Variants in ZNF143 observed in about 807,000 individuals in gnomAD.
ZNF143 encodes zinc finger protein 143.
A neutral mutation model predicts 74.1 loss-of-function variants in ZNF143; 49 were observed. The observed-to-expected ratio is 0.66, with a 90% CI of 0.53 to 0.84. The LOEUF (loss-of-function observed/expected upper bound fraction) is 0.84, where lower values mean the gene tolerates loss of function less well. Ranked by LOEUF, ZNF143 falls within the 40% of genes least tolerant of loss-of-function variation. ZNF143 has a pLI of 0.00. For synonymous variants in ZNF143, 304 were observed against 282.8 expected, an observed-to-expected ratio of 1.07 and a Z score of -0.75; for missense variants, 637 against 793.4, an observed-to-expected ratio of 0.80 and a Z score of 2.37.
At chr11:9,519,760 T>C (rs1848845884) in intron 14 of ZNF143, among the ~76,000 whole-genome samples, 1 of 152,212 alleles carries the variant, frequency 6.6e-6, no homozygotes, top group Admixed American at 6.5e-5. Flanking sequence ...TGCTGGGTCA[T>C]AGAATAGAGG....
At chr11:9,508,499 G>T in intron 11 of ZNF143, 120 bp from the exon 12 acceptor site, 1 of 814,150 alleles carries the variant, frequency 1.2e-6, no homozygotes, top group Non-Finnish European at 1.9e-6. Flanking sequence ...CTCATGGTGG[G>T]ATGAGGAGGG....
At chr11:9,488,153 G>A (rs1847633730) in intron 7 of ZNF143, among the ~76,000 whole-genome samples, 1 of 152,178 alleles carries the variant, frequency 6.6e-6, no homozygotes, top group South Asian at 2.1e-4. Flanking sequence ...GGGAGGCTGA[G>A]ACACAAGAAT....
chr11:9,485,300 G>A (rs1369972755), intron 7 of ZNF143, among the ~76,000 whole-genome samples: 3 of 146,922 alleles, frequency 2.0e-5, no homozygotes, highest in Non-Finnish European at 4.5e-5. Flanking sequence ...CTGCCTGATA[G>A]TAATTATTGT....
At chr11:9,519,991 A>T (rs925766517) in intron 14 of ZNF143, among the ~76,000 whole-genome samples, 1 of 149,948 alleles carries the variant, frequency 6.7e-6, no homozygotes, top group East Asian at 2.0e-4. Context: ...TTTAAAACCA[A>T]CCTGGGCAAT....
intron 1 of ZNF143, among the ~76,000 whole-genome samples, chr11:9,470,764 C>CTT (rs1856519393): frequency 6.6e-6 from 1 of 152,058 alleles, no homozygotes; most frequent in Admixed American, 6.6e-5. Flanking sequence ...TAACTTTTCC[C>CTT]TTCAAAGGAC....
chr11:9,493,819 A>G (rs965268148), intron 7 of ZNF143, among the ~76,000 whole-genome samples: 14 of 152,202 alleles, frequency 9.2e-5, no homozygotes, highest in African/African-American at 3.1e-4. Context: ...TTTAAAAATC[A>G]GCATTTGGAT....
At position 9,499,428 on chromosome 11, in the gene ZNF143, A is replaced by C. The variant is rs75709815; in HGVS notation, c.967+1628A>C. ...TAGGCTGACATAATGAATAAAACTT[A>C]CTAGAGATAGGATCAAAGATTCCTG... On this transcript the variant is annotated intron_variant, in intron 10 of 15. Coordinates refer to ENST00000396602, the MANE Select transcript of ZNF143 (RefSeq NM_003442.6). Among the ~76,000 whole-genome samples the C allele has an allele frequency of 4.7e-3, 715 of 152,308 alleles. 6 individuals carry two copies. Among genetic ancestry groups the C allele is most frequent in the African/African-American group, 0.017 (686 of 41,532 alleles).
chr11:9,467,773 G>A (rs564425693), intron 1 of ZNF143, among the ~76,000 whole-genome samples: 49 of 151,508 alleles, frequency 3.2e-4, no homozygotes, highest in Admixed American at 9.2e-4. Context: ...GAACTTGGGA[G>A]GTGGAAGTTA....
At chr11:9,496,052 C>A (rs1231678548) in intron 8 of ZNF143, among the ~76,000 whole-genome samples, 3 of 152,138 alleles carry the variant, frequency 2.0e-5, no homozygotes, top group Admixed American at 6.5e-5. Flanking sequence ...CACCTTTGAC[C>A]ACTCGAGAAA....
chr11:9,519,018 A>G (rs1191442702), intron 14 of ZNF143, among the ~76,000 whole-genome samples: 2 of 152,146 alleles, frequency 1.3e-5, no homozygotes, highest in African/African-American at 4.8e-5. Flanking sequence ...AATTGAGGTA[A>G]AATTTACATA....
intron 7 of ZNF143, among the ~76,000 whole-genome samples, chr11:9,486,396 A>ATATAAT (rs1245802133): frequency 7.6e-4 from 9 of 11,920 alleles, no homozygotes; most frequent in African/African-American, 2.0e-3. Flanking sequence ...TAATATATAT[A>ATATAAT]ATATATTATA....
chr11:9,462,819 G>C (rs551577358), intron 1 of ZNF143, among the ~76,000 whole-genome samples: 2 of 152,146 alleles, frequency 1.3e-5, no homozygotes, highest in African/African-American at 4.8e-5. Context: ...AGGTTGCAGT[G>C]AGCCGAGATT....
At chr11:9,502,532 C>CAAGCT (rs1406670736) in intron 11 of ZNF143, among the ~76,000 whole-genome samples, 1 of 150,140 alleles carries the variant, frequency 6.7e-6, no homozygotes, top group Non-Finnish European at 1.5e-5. Flanking sequence ...ACAGCATGAA[C>CAAGCT]CCGGGAGGCA....
chr11:9,474,555 G>A lies in ZNF143; in HGVS notation c.295G>A (p.Asp99Asn). Residue 99 changes from aspartate to asparagine, a missense_variant, in exon 5 of 16, where the codon GAC becomes AAC. By Grantham distance (23) the Asp-to-Asn change is conservative. Transcript: ENST00000396602. Reference sequence around the variant, plus strand: ...ATGTAAGCATTGTTCTTGAGCAGGGGACAGTTTGCGTCTAGAGGATGGTCA... The same window carrying A: ...ATGTAAGCATTGTTCTTGAGCAGGGAACAGTTTGCGTCTAGAGGATGGTCA... The part of the protein sequence containing the change: ...QHVPIPKSTG[D>N]SLRLEDGQAV... 2 of 1,614,114 alleles carry A rather than the reference G, an allele frequency of 1.2e-6. No homozygotes were observed. The highest frequency in any genetic ancestry group is 1.6e-4 in the Middle Eastern group (1 of 6,062).
At chr11:9,500,558 C>T (rs1379118092) in intron 10 of ZNF143, among the ~76,000 whole-genome samples, 4 of 151,878 alleles carry the variant, frequency 2.6e-5, no homozygotes, top group Admixed American at 6.6e-5. Flanking sequence ...CTCAGCCTCT[C>T]GAGTAGCTGG....
intron 7 of ZNF143, among the ~76,000 whole-genome samples, chr11:9,482,558 G>C (rs1847288061): frequency 6.6e-6 from 1 of 151,444 alleles, no homozygotes. Context: ...GCGTGAGCCA[G>C]CGCACCCGGC....
At chr11:9,488,694 T>G (rs995459789) in intron 7 of ZNF143, among the ~76,000 whole-genome samples, 2 of 152,208 alleles carry the variant, frequency 1.3e-5, no homozygotes, top group African/African-American at 4.8e-5. Flanking sequence ...CTAGCTAGAC[T>G]GAGAGCCCTA....
At chr11:9,524,369 T>C (rs1849052029) in intron 14 of ZNF143, among the ~76,000 whole-genome samples, 1 of 152,208 alleles carries the variant, frequency 6.6e-6, no homozygotes, top group African/African-American at 2.4e-5. Context: ...ATAATTGTTA[T>C]CTGCAGGAAG....
In ZNF143 at chr11:9,504,741, C is replaced by G. The variant is rs1162595708; in HGVS notation, c.1147+3471C>G. On this transcript the variant is annotated intron_variant, in intron 11 of 15. Coordinates refer to ENST00000396602, the MANE Select transcript of ZNF143 (RefSeq NM_003442.6). ...CCAGGCTGGAGTGCAATGGCGTGAT[C>G]TCAGCTCACTGCAACCTCCGCCTCC... is the stretch of plus-strand genomic sequence containing the variant. Among the ~76,000 whole-genome samples the G allele has an allele frequency of 2.8e-5, 3 of 107,532 alleles. 1 individual carries two copies. In the Admixed American group the frequency reaches 3.3e-4, roughly 12 times the overall value. 70.5% of individuals were successfully genotyped at this position (107,532 alleles called of 152,430 possible).
Sources: gnomAD v4.1 joint callset for allele counts (sites outside exome capture counted in the v4.1 genomes callset) on GRCh38, gnomAD v4.1.1 for gene constraint, MANE v1.5 for transcripts, NCBI Gene and HGNC (gene_info 2026-07-23, HGNC 2026-07-21) for gene names.